MACROD2: variants seen among roughly 807,000 people sequenced by gnomAD.
The protein encoded by MACROD2 is mono-ADP ribosylhydrolase 2.
A neutral mutation model predicts 70.4 loss-of-function variants in MACROD2; 36 were observed. The observed-to-expected ratio is 0.51, with a 90% CI of 0.39 to 0.68. The LOEUF is 0.68. Among genes scored for constraint, MACROD2 ranks in the 30% least tolerant of loss-of-function variants. The pLI, the probability that MACROD2 is intolerant of heterozygous loss-of-function variation, is 0.00. For missense variants in MACROD2, 496 were observed against 538.4 expected (o/e 0.92, Z 0.78); for synonymous variants, 172 against 178.8 (o/e 0.96, Z 0.30).
chr20:15,911,974 C>T (rs1244356929), intron 10 of MACROD2, among the ~76,000 whole-genome samples: 1 of 152,118 alleles, frequency 6.6e-6, no homozygotes, highest in Non-Finnish European at 1.5e-5. Context: ...CCATTGCACT[C>T]CAGCCCGGGC....
intron 4 of MACROD2, among the ~76,000 whole-genome samples, chr20:14,626,432 C>G (rs1463228729): frequency 6.6e-6 from 1 of 152,106 alleles, no homozygotes; most frequent in African/African-American, 2.4e-5. Context: ...GTACTACAAT[C>G]AATAGGTCCA....
intron 5 of MACROD2, among the ~76,000 whole-genome samples, chr20:14,891,080 T>C (rs1395224039): frequency 6.7e-6 from 1 of 148,638 alleles, no homozygotes. Flanking sequence ...CCTTTTCTCC[T>C]TCCTTCTTTC....
At chr20:14,038,661 T>C (rs2053350551) in intron 2 of MACROD2, among the ~76,000 whole-genome samples, 1 of 152,356 alleles carries the variant, frequency 6.6e-6, no homozygotes, top group East Asian at 1.9e-4. Flanking sequence ...TATGTCGTTT[T>C]TGTGGTTTAT....
At chr20:15,157,898 G>T (rs1186200463) in intron 5 of MACROD2, among the ~76,000 whole-genome samples, 2 of 152,078 alleles carry the variant, frequency 1.3e-5, no homozygotes, top group East Asian at 3.9e-4. Context: ...GCCCTGTCAG[G>T]CCCACAGGTG....
intron 8 of MACROD2, among the ~76,000 whole-genome samples, chr20:15,501,471 A>C (rs1466581822): frequency 6.6e-6 from 1 of 152,228 alleles, no homozygotes; most frequent in Non-Finnish European, 1.5e-5. Flanking sequence ...AATTCTACTC[A>C]TTGATTCTCT....
At chr20:15,309,048 A>C (rs2077726026) in intron 6 of MACROD2, among the ~76,000 whole-genome samples, 1 of 152,212 alleles carries the variant, frequency 6.6e-6, no homozygotes, top group Non-Finnish European at 1.5e-5. Flanking sequence ...CGTACCCATT[A>C]AAACTCGTCC....
At chr20:14,065,332 T>C (rs1447288412) in intron 2 of MACROD2, among the ~76,000 whole-genome samples, 1 of 152,216 alleles carries the variant, frequency 6.6e-6, no homozygotes, top group African/African-American at 2.4e-5. Context: ...CTGCAGTCCT[T>C]AACTATATTT....
At chr20:14,147,593 C>A (rs1357532687) in intron 3 of MACROD2, among the ~76,000 whole-genome samples, 3 of 151,948 alleles carry the variant, frequency 2.0e-5, no homozygotes, top group Non-Finnish European at 4.4e-5. Flanking sequence ...GTGGGAAGAC[C>A]CGACAGTTGA....
chr20:15,650,347 T>C (rs1437193521), intron 8 of MACROD2, among the ~76,000 whole-genome samples: 1 of 152,248 alleles, frequency 6.6e-6, no homozygotes. Context: ...CCCTCTGCTT[T>C]TGAGTCTCTG....
intron 7 of MACROD2, among the ~76,000 whole-genome samples, chr20:15,453,496 T>C (rs2146397946): frequency 6.6e-6 from 1 of 152,332 alleles, no homozygotes; most frequent in South Asian, 2.1e-4. Context: ...AATTGACGCC[T>C]ATCTTTAAGT....
At chr20:14,359,959 G>A (rs2083206469) in intron 3 of MACROD2, among the ~76,000 whole-genome samples, 2 of 152,118 alleles carry the variant, frequency 1.3e-5, no homozygotes, top group Admixed American at 1.3e-4. Flanking sequence ...CAACAGCATG[G>A]ATTAACGTGG....
intron 15 of MACROD2, among the ~76,000 whole-genome samples, chr20:16,033,301 A>T (rs2147587916): frequency 6.6e-6 from 1 of 152,288 alleles, no homozygotes; most frequent in South Asian, 2.1e-4. Context: ...AAGGAATAAA[A>T]GAAAAATACA....
chr20:15,655,502 G>A (rs908111987), intron 8 of MACROD2, among the ~76,000 whole-genome samples: 3 of 151,856 alleles, frequency 2.0e-5, no homozygotes, highest in Admixed American at 1.3e-4. Context: ...CCTGGGCTTC[G>A]GAATAACTTT....
chr20:14,723,290 A>G (rs1310586819), intron 5 of MACROD2, among the ~76,000 whole-genome samples: 2 of 152,024 alleles, frequency 1.3e-5, no homozygotes, highest in Non-Finnish European at 2.9e-5. Context: ...ATTCTTATAT[A>G]TCCTTTTTGA....
chr20:15,966,989 A>G (rs576950879), intron 12 of MACROD2, among the ~76,000 whole-genome samples: 13 of 152,304 alleles, frequency 8.5e-5, no homozygotes, highest in African/African-American at 2.6e-4. Flanking sequence ...ATAAGTGTAC[A>G]ACGATTCCAT....
intron 4 of MACROD2, among the ~76,000 whole-genome samples, chr20:14,606,938 G>GCA (rs1600447681): frequency 2.0e-5 from 3 of 152,160 alleles, no homozygotes; most frequent in South Asian, 2.1e-4. Context: ...ATGGATGAGT[G>GCA]CACACACACA....
At chr20:14,565,281 G>T (rs1232082655) in intron 4 of MACROD2, among the ~76,000 whole-genome samples, 1 of 151,640 alleles carries the variant, frequency 6.6e-6, no homozygotes, top group Non-Finnish European at 1.5e-5. Context: ...CAAAAGCCCA[G>T]GCTTTACCAC....
intron 8 of MACROD2, among the ~76,000 whole-genome samples, chr20:15,590,103 TATC>T (rs1468416640): frequency 4.6e-5 from 7 of 152,208 alleles, no homozygotes; most frequent in African/African-American, 1.4e-4. Context: ...ATTATAAAAT[TATC>T]ATTTTAATTA....
chr20:15,984,611 C>G (rs2066450878), intron 13 of MACROD2, among the ~76,000 whole-genome samples: 1 of 149,618 alleles, frequency 6.7e-6, no homozygotes. Context: ...ATATAACACT[C>G]TTTTTACATA....
Sources: allele counts gnomAD v4.1 joint callset (sites outside exome capture counted in the v4.1 genomes callset), GRCh38; gene constraint gnomAD v4.1.1; transcripts MANE v1.5; gene names NCBI Gene and HGNC (gene_info 2026-07-23, HGNC 2026-07-21).